RETREG1: variants seen among roughly 807,000 people sequenced by gnomAD.
The protein encoded by RETREG1 is reticulophagy regulator 1.
In RETREG1, 44 loss-of-function variants were observed where a neutral mutation model predicts 54.8. That is an observed-to-expected ratio of 0.80 (90% CI 0.63 to 1.03). RETREG1 has a LOEUF of 1.03. Ranked by LOEUF, RETREG1 falls within the 50% of genes least tolerant of loss-of-function variation. RETREG1 has a pLI of 0.00. For missense variants in RETREG1, 554 were observed against 605.1 expected, an observed-to-expected ratio of 0.92 and a Z score of 0.89; for synonymous variants, 217 against 238.5, an observed-to-expected ratio of 0.91 and a Z score of 0.83.
chr5:16,507,829 G>T (rs1740017965), intron 3 of RETREG1, among the ~76,000 whole-genome samples: 1 of 152,140 alleles, frequency 6.6e-6, no homozygotes, highest in African/African-American at 2.4e-5. Flanking sequence ...TCCTTTTCTT[G>T]TTTAATAATG....
chr5:16,588,581 C>T (rs1742677957), intron 1 of RETREG1, among the ~76,000 whole-genome samples: 1 of 152,208 alleles, frequency 6.6e-6, no homozygotes, highest in Admixed American at 6.5e-5. Context: ...CTGTCAGCCC[C>T]ACCATGCTGA....
intron 3 of RETREG1, among the ~76,000 whole-genome samples, chr5:16,512,701 G>A (rs961759786): frequency 6.6e-6 from 1 of 152,004 alleles, no homozygotes; most frequent in Non-Finnish European, 1.5e-5. Context: ...AGCAATGAAT[G>A]GCCAAATGCA....
At chr5:16,482,690 T>A (rs1738833984) in intron 4 of RETREG1, among the ~76,000 whole-genome samples, 4 of 152,084 alleles carry the variant, frequency 2.6e-5, no homozygotes, top group Admixed American at 2.0e-4. Flanking sequence ...CAAGGTCTAT[T>A]GATGGTTCTG....
At chr5:16,572,213 C>CTTTTTT in intron 1 of RETREG1, 111 bp from the exon 2 acceptor site, 2 of 562,284 alleles carry the variant, frequency 3.6e-6, no homozygotes, top group East Asian at 3.5e-5. Flanking sequence ...AATGATTTCA[C>CTTTTTT]TTTTTTTTTT....
intron 3 of RETREG1, among the ~76,000 whole-genome samples, chr5:16,500,189 C>T (rs1739644156): frequency 6.6e-6 from 1 of 152,112 alleles, no homozygotes; most frequent in Admixed American, 6.5e-5. Context: ...ATGGGCTTCT[C>T]CCAGGGACAG....
chr5:16,517,988 A>G (rs1038582920), intron 3 of RETREG1, among the ~76,000 whole-genome samples: 1 of 151,652 alleles, frequency 6.6e-6, no homozygotes, highest in African/African-American at 2.4e-5. Flanking sequence ...TCCCTAATAT[A>G]GTTAGTAAAA....
intron 3 of RETREG1, among the ~76,000 whole-genome samples, chr5:16,510,159 C>T (rs1740124278): frequency 6.6e-6 from 1 of 152,120 alleles, no homozygotes; most frequent in South Asian, 2.1e-4. Context: ...AATGTCAAAA[C>T]AAATAATATC....
intron 3 of RETREG1, among the ~76,000 whole-genome samples, chr5:16,528,100 C>T (rs961876990): frequency 7.9e-5 from 12 of 152,132 alleles, no homozygotes; most frequent in Admixed American, 4.6e-4. Context: ...TGAGCCACCG[C>T]GCCCGGCCAG....
chr5:16,522,078 C>T (rs1373297632), intron 3 of RETREG1, among the ~76,000 whole-genome samples: 1 of 144,118 alleles, frequency 6.9e-6, no homozygotes, highest in Non-Finnish European at 1.5e-5. Context: ...GAAAGGACTT[C>T]TCCTCCAAGC....
At chr5:16,515,228 A>G (rs1180042504) in intron 3 of RETREG1, among the ~76,000 whole-genome samples, 1 of 152,118 alleles carries the variant, frequency 6.6e-6, no homozygotes, top group East Asian at 1.9e-4. Context: ...CCAGCAGTGT[A>G]AAAGGGTTCC....
chr5:16,603,553 C>G (rs1383446076), intron 1 of RETREG1, among the ~76,000 whole-genome samples: 1 of 152,074 alleles, frequency 6.6e-6, no homozygotes, highest in Non-Finnish European at 1.5e-5. Flanking sequence ...GGTGGGAGAG[C>G]GGCTGCCTAC....
intron 1 of RETREG1, among the ~76,000 whole-genome samples, chr5:16,582,075 T>C (rs917939989): frequency 9.2e-5 from 14 of 152,220 alleles, no homozygotes; most frequent in African/African-American, 3.4e-4. Context: ...CATATACATA[T>C]CATGATAGGT....
chr5:16,550,372 G>A (rs549708623), intron 3 of RETREG1, among the ~76,000 whole-genome samples: 56 of 152,230 alleles, frequency 3.7e-4, no homozygotes, highest in African/African-American at 1.3e-3. Flanking sequence ...CACTGCTGGA[G>A]GTACTGATGG....
chr5:16,487,514 T>A (rs1244313525), intron 3 of RETREG1, among the ~76,000 whole-genome samples: 1 of 152,194 alleles, frequency 6.6e-6, no homozygotes, highest in African/African-American at 2.4e-5. Flanking sequence ...GAGAAGTCAC[T>A]ACAAGCCCCA....
chr5:16,529,025 A>G (rs1277894085), intron 3 of RETREG1, among the ~76,000 whole-genome samples: 1 of 152,264 alleles, frequency 6.6e-6, no homozygotes, highest in African/African-American at 2.4e-5. Flanking sequence ...AATCTGGAAG[A>G]AACTATATAC....
chr5:16,615,528 T>C (rs1743478803), intron 1 of RETREG1, among the ~76,000 whole-genome samples: 1 of 152,156 alleles, frequency 6.6e-6, no homozygotes, highest in South Asian at 2.1e-4. Context: ...AGACAATATG[T>C]CCTTCTTATT....
chr5:16,527,932 C>A (rs1316681939), intron 3 of RETREG1, among the ~76,000 whole-genome samples: 1 of 150,834 alleles, frequency 6.6e-6, no homozygotes, highest in Non-Finnish European at 1.5e-5. Flanking sequence ...GCCTCAGCCT[C>A]CCGAGTAGCT....
rs367822620 is a variant in RETREG1 at position 16,556,807 on chromosome 5, T to C, written c.458+8956A>G. Among the ~76,000 whole-genome samples, 281 of 152,204 alleles carry C rather than the reference T, an allele frequency of 1.8e-3. 1 individual carries two copies. The highest frequency in any genetic ancestry group is 6.4e-3 in the African/African-American group (265 of 41,534). The stretch of plus-strand genomic sequence containing the variant: ...GTATCACCCTCATCAACAGAGCAAC[T>C]AGGATACGATACGCACCTCTTGTTT... On this transcript the variant is annotated intron_variant, in intron 3 of 8. Transcript: ENST00000306320.
chr5:16,484,885 T>C (rs1738956858), intron 3 of RETREG1, among the ~76,000 whole-genome samples: 1 of 152,104 alleles, frequency 6.6e-6, no homozygotes, highest in South Asian at 2.1e-4. Flanking sequence ...AAATGAACTT[T>C]TGGGGATGGT....
Sources: allele counts gnomAD v4.1 joint callset (sites outside exome capture counted in the v4.1 genomes callset), GRCh38; gene constraint gnomAD v4.1.1; transcripts MANE v1.5; gene names NCBI Gene and HGNC (gene_info 2026-07-23, HGNC 2026-07-21).